MDGA2: variants seen among roughly 807,000 people sequenced by gnomAD.
MDGA2 encodes the protein MAM domain containing glycosylphosphatidylinositol anchor 2.
In MDGA2, 40 loss-of-function variants were observed where a neutral mutation model predicts 117.8. That is an observed-to-expected ratio of 0.34 (90% confidence interval 0.26 to 0.44). MDGA2 has a LOEUF of 0.44. MDGA2 is among the 20% of genes least tolerant of loss of function. The probability of loss-of-function intolerance (pLI) is 1.00; values close to 1 mark genes in which losing one functional copy is unlikely to be tolerated. For missense variants in MDGA2, 1,123 were observed against 1,250.6 expected (o/e 0.90, Z 1.54); for synonymous variants, 452 against 439.0 (o/e 1.03, Z -0.37).
chr14:47,251,470 A>C (rs925882592), intron 2 of MDGA2, among the ~76,000 whole-genome samples: 2 of 139,584 alleles, frequency 1.4e-5, no homozygotes, highest in Non-Finnish European at 3.2e-5. Flanking sequence ...TATTTAGTAC[A>C]TAATTTTTTT....
chr14:47,535,174 G>T (rs1895183715), intron 1 of MDGA2, among the ~76,000 whole-genome samples: 1 of 152,038 alleles, frequency 6.6e-6, no homozygotes, highest in Non-Finnish European at 1.5e-5. Flanking sequence ...AAGCAGCTAT[G>T]TACATTCCAT....
Position 47,415,520 on chromosome 14 carries a change from CTAT to C in MDGA2, c.281-113973_281-113971del, listed in dbSNP as rs1302435084. ...TAGTTATAATTGTTCTATTTTATTA[CTAT>C]TATTGTTAATCTCTTACTGTGCCTG... On this transcript the variant is annotated intron_variant, in intron 1 of 16. Coordinates refer to ENST00000399232, the MANE Select transcript of MDGA2 (RefSeq NM_001113498.3). 3.3e-5 allele frequency among the ~76,000 whole-genome samples: 5 copies of C among 151,940 alleles called. No homozygotes were observed. The East Asian group carries it at 9.7e-4, about 29-fold the overall frequency.
At position 47,076,681 on chromosome 14, in the gene MDGA2, G is replaced by A. The variant is rs145036892; in HGVS notation, c.1196-15103C>T. 6.6e-5 allele frequency among the ~76,000 whole-genome samples: 10 copies of A among 151,488 alleles called. No individual in the cohort carries two copies. The East Asian group carries it at 1.6e-3, about 24-fold the overall frequency. On this transcript the variant is annotated intron_variant, in intron 6 of 16. Transcript: ENST00000399232. ...CTATTTTATCTACATATTTGAAATC[G>A]TACTATATGAACCATGCACCTTTAT...
intron 15 of MDGA2, among the ~76,000 whole-genome samples, chr14:46,847,959 T>C (rs1380444806): frequency 6.6e-6 from 1 of 152,044 alleles, no homozygotes; most frequent in Non-Finnish European, 1.5e-5. Flanking sequence ...GTCCCTTACC[T>C]GATAGAGAGT....
intron 10 of MDGA2, 65 bp downstream of exon 10, chr14:46,919,947 A>C (rs1196943921): frequency 7.0e-7 from 1 of 1,421,144 alleles, no homozygotes; most frequent in African/African-American, 1.5e-5. Flanking sequence ...CTCTTAGAAA[A>C]ATGATAACAA....
chr14:47,651,398 T>C (rs780339212), intron 1 of MDGA2, among the ~76,000 whole-genome samples: 3 of 151,974 alleles, frequency 2.0e-5, no homozygotes, highest in Non-Finnish European at 4.4e-5. Context: ...TGGGATGAAA[T>C]AAAAATCACT....
rs138405724 is a variant in MDGA2, at chr14:47,639,555, C to T, written c.280+34962G>A. 1.7e-3 allele frequency among the ~76,000 whole-genome samples: 255 copies of T among 152,258 alleles called. 1 individual carries two copies. The highest frequency in any genetic ancestry group is 5.1e-3 in the African/African-American group (211 of 41,538). ...TCAAAGCACTACACGTTGAATCCTGCGCACAAGTACGTCATAACTCCTTAC... is the reference window on the plus strand; with the variant it reads ...TCAAAGCACTACACGTTGAATCCTGTGCACAAGTACGTCATAACTCCTTAC... On this transcript the variant is annotated intron_variant, in intron 1 of 16. Coordinates refer to ENST00000399232, the MANE Select transcript of MDGA2 (RefSeq NM_001113498.3).
At chr14:47,244,579 C>T (rs1202384929) in intron 2 of MDGA2, among the ~76,000 whole-genome samples, 2 of 151,634 alleles carry the variant, frequency 1.3e-5, no homozygotes, top group Non-Finnish European at 3.0e-5. Flanking sequence ...TGCTTATATC[C>T]TTTTCATTTG....
At chr14:47,612,209 C>CAGACAGAT (rs1555336284) in intron 1 of MDGA2, among the ~76,000 whole-genome samples, 14 of 145,692 alleles carry the variant, frequency 9.6e-5, no homozygotes, top group Non-Finnish European at 3.0e-5. Flanking sequence ...GATAGATAGA[C>CAGACAGAT]AGATAGATAG....
At chr14:47,379,936 G>A (rs1489324863) in intron 1 of MDGA2, among the ~76,000 whole-genome samples, 2 of 152,020 alleles carry the variant, frequency 1.3e-5, no homozygotes, top group African/African-American at 4.8e-5. Context: ...TCACTACCAC[G>A]TCGCACTTAT....
chr14:46,867,374 A>G (rs1211110998), intron 14 of MDGA2, among the ~76,000 whole-genome samples: 6 of 151,834 alleles, frequency 4.0e-5, no homozygotes, highest in Non-Finnish European at 8.8e-5. Flanking sequence ...GGGGAACATC[A>G]CACTCTGGGG....
chr14:46,858,290 A>G (rs1418135684), intron 14 of MDGA2, among the ~76,000 whole-genome samples: 1 of 150,998 alleles, frequency 6.6e-6, no homozygotes, highest in Non-Finnish European at 1.5e-5. Context: ...CTAGCCCTTT[A>G]GTATAGTTTC....
intron 4 of MDGA2, among the ~76,000 whole-genome samples, chr14:47,140,590 T>C (rs1200294763): frequency 6.6e-6 from 1 of 152,156 alleles, no homozygotes; most frequent in Non-Finnish European, 1.5e-5. Context: ...ATGGACAATG[T>C]GTCTTCAGTA....
chr14:47,074,107 ATTAATTAAT>A (rs1442718184), intron 6 of MDGA2, among the ~76,000 whole-genome samples: 1 of 148,198 alleles, frequency 6.7e-6, no homozygotes, highest in Non-Finnish European at 1.5e-5. Flanking sequence ...ATAATTAATG[ATTAATTAAT>A]TTAATTAATC....
chr14:47,081,374 T>C (rs1251765264), intron 6 of MDGA2, among the ~76,000 whole-genome samples: 3 of 152,100 alleles, frequency 2.0e-5, no homozygotes, highest in Non-Finnish European at 4.4e-5. Context: ...AAAAATCAAA[T>C]ATTTTCCAAT....
chr14:47,403,957 C>T (rs140594926), intron 1 of MDGA2, among the ~76,000 whole-genome samples: 1 of 151,954 alleles, frequency 6.6e-6, no homozygotes, highest in Non-Finnish European at 1.5e-5. Flanking sequence ...TAGAACATAC[C>T]CTTGTCTCAC....
intron 3 of MDGA2, among the ~76,000 whole-genome samples, chr14:47,213,902 G>A (rs1885980184): frequency 6.6e-6 from 1 of 152,128 alleles, no homozygotes; most frequent in Non-Finnish European, 1.5e-5. Context: ...GGAAGGCAAA[G>A]AGAAAGCAAG....
intron 1 of MDGA2, 70 bp from the exon 2 acceptor site, chr14:47,301,620 T>C: frequency 6.6e-7 from 1 of 1,507,612 alleles, no homozygotes; most frequent in Non-Finnish European, 9.0e-7. Flanking sequence ...ATGAACCATC[T>C]TGACTATAAA....
At chr14:47,182,622 A>G (rs937407498) in intron 3 of MDGA2, among the ~76,000 whole-genome samples, 1 of 152,200 alleles carries the variant, frequency 6.6e-6, no homozygotes, top group Admixed American at 6.5e-5. Flanking sequence ...TCTATTGTTT[A>G]TACCCAGTCT....
Sources: allele counts gnomAD v4.1 joint callset (sites outside exome capture counted in the v4.1 genomes callset), GRCh38; gene constraint gnomAD v4.1.1; transcripts MANE v1.5; gene names NCBI Gene and HGNC (gene_info 2026-07-23, HGNC 2026-07-21).